LHFPL6: variants seen among roughly 807,000 people sequenced by gnomAD.
LHFPL6 encodes the protein LHFPL tetraspan subfamily member 6 protein.
Under a neutral mutation model 20.6 loss-of-function variants are expected in LHFPL6, and 9 were observed. The observed-to-expected ratio is 0.44, with a 90% confidence interval of 0.26 to 0.76. LHFPL6 has a LOEUF of 0.76. LHFPL6 is among the 30% of genes least tolerant of loss of function. LHFPL6 has a pLI of 0.20. For missense variants in LHFPL6, 218 were observed against 253.5 expected (o/e 0.86, Z 0.95); for synonymous variants, 105 against 98.7 (o/e 1.06, Z -0.38).
chr13:39,472,208 C>T (rs1428227396), intron 2 of LHFPL6, among the ~76,000 whole-genome samples: 2 of 152,150 alleles, frequency 1.3e-5, no homozygotes, highest in African/African-American at 2.4e-5. Context: ...CAAATATATA[C>T]TACCCGGCCA....
chr13:39,446,348 T>C (rs901126579), intron 2 of LHFPL6, among the ~76,000 whole-genome samples: 1 of 152,210 alleles, frequency 6.6e-6, no homozygotes, highest in Admixed American at 6.5e-5. Flanking sequence ...TGAAAGGTGC[T>C]ATGAAATAAG....
intron 2 of LHFPL6, among the ~76,000 whole-genome samples, chr13:39,382,016 T>C (rs9603529): frequency 0.098 from 14,958 of 152,142 alleles, 775 homozygotes; most frequent in Middle Eastern, 0.13. Context: ...AGCATACTCC[T>C]AAATTAGGTT....
At chr13:39,352,960 T>TACAC (rs1306962467) in intron 3 of LHFPL6, among the ~76,000 whole-genome samples, 7 of 86,826 alleles carry the variant, frequency 8.1e-5, no homozygotes, top group African/African-American at 1.1e-4. Flanking sequence ...TATACATACA[T>TACAC]ACACACACAC....
intron 3 of LHFPL6, among the ~76,000 whole-genome samples, chr13:39,359,174 C>CT (rs1869811522): frequency 6.6e-6 from 1 of 152,030 alleles, no homozygotes; most frequent in Admixed American, 6.6e-5. Flanking sequence ...AACAAAACAC[C>CT]TAAAAACATA....
intron 2 of LHFPL6, among the ~76,000 whole-genome samples, chr13:39,553,567 T>A (rs1016823046): frequency 5.9e-5 from 9 of 152,076 alleles, no homozygotes; most frequent in Non-Finnish European, 8.8e-5. Flanking sequence ...ATATTTTTTT[T>A]AATTAGCCAG....
chr13:39,563,770 G>A (rs1871621938), intron 2 of LHFPL6, among the ~76,000 whole-genome samples: 1 of 152,044 alleles, frequency 6.6e-6, no homozygotes, highest in Non-Finnish European at 1.5e-5. Flanking sequence ...TCCTGCCAGG[G>A]TAACAGATTC....
At chr13:39,537,287 CA>C (rs1011200164) in intron 2 of LHFPL6, among the ~76,000 whole-genome samples, 1 of 152,238 alleles carries the variant, frequency 6.6e-6, no homozygotes, top group African/African-American at 2.4e-5. Context: ...GATGATGCAT[CA>C]AAACCTAGAC....
At chr13:39,500,818 A>C (rs1180401456) in intron 2 of LHFPL6, among the ~76,000 whole-genome samples, 1 of 152,232 alleles carries the variant, frequency 6.6e-6, no homozygotes, top group African/African-American at 2.4e-5. Flanking sequence ...CCAGTATTTC[A>C]CATAGTATTA....
chr13:39,470,393 T>C (rs965665107), intron 2 of LHFPL6, among the ~76,000 whole-genome samples: 2 of 152,128 alleles, frequency 1.3e-5, no homozygotes, highest in African/African-American at 4.8e-5. Context: ...CATTATCAAC[T>C]TTCTAATCAT....
intron 3 of LHFPL6, among the ~76,000 whole-genome samples, chr13:39,347,367 C>A (rs964694953): frequency 6.6e-6 from 1 of 152,080 alleles, no homozygotes; most frequent in African/African-American, 2.4e-5. Context: ...GAATGAAAGG[C>A]AAGGTAAAAG....
intron 2 of LHFPL6, among the ~76,000 whole-genome samples, chr13:39,514,822 G>T (rs182914446): frequency 6.6e-6 from 1 of 152,184 alleles, no homozygotes; most frequent in Non-Finnish European, 1.5e-5. Context: ...CATGATTGAC[G>T]TAGAAACTTT....
intron 2 of LHFPL6, among the ~76,000 whole-genome samples, chr13:39,405,307 A>G (rs1035655351): frequency 1.3e-5 from 2 of 152,248 alleles, no homozygotes; most frequent in Admixed American, 6.5e-5. Flanking sequence ...AAACATTTGC[A>G]TAAGTCAGCA....
At chr13:39,559,717 T>C (rs1454586594) in intron 2 of LHFPL6, among the ~76,000 whole-genome samples, 3 of 151,874 alleles carry the variant, frequency 2.0e-5, no homozygotes, top group Admixed American at 6.6e-5. Flanking sequence ...ATGTGAGGAG[T>C]GCCAGGCTGC....
chr13:39,447,192 T>C (rs568446498), intron 2 of LHFPL6, among the ~76,000 whole-genome samples: 1 of 152,330 alleles, frequency 6.6e-6, no homozygotes, highest in East Asian at 1.9e-4. Context: ...AACCCAATCA[T>C]CACGCTTATG....
chr13:39,389,509 G>A lies in LHFPL6; in HGVS notation c.386-10983C>T, dbSNP rs1471711132. ...AAGCTTTGGAACCAGAGAGTGATTG[G>A]TCTGGAGCCAGGCTCTGCACTGGTG... On this transcript the variant is annotated intron_variant, in intron 2 of 3. Transcript: ENST00000379589. Among the ~76,000 whole-genome samples, 3 of 152,160 alleles carry A rather than the reference G, an allele frequency of 2.0e-5. No individual in the cohort carries two copies. The East Asian group carries it at 5.8e-4, about 29-fold the overall frequency.
Position 39,342,954 on chromosome 13 carries a change from A to G in LHFPL6, c.*982T>C, listed in dbSNP as rs41286953. ...AAATACAAACAAAATAGCACTTTTA[A>G]ATTTTTTACAAAATGAATATAGAAA... On this transcript the variant is annotated 3_prime_UTR_variant, in exon 4 of 4. Transcript: ENST00000379589. The G allele has an allele frequency of 0.012, 2,267 of 183,886 alleles. 15 individuals carry two copies. Among genetic ancestry groups the G allele is most frequent in the Non-Finnish European group, 0.018 (1,586 of 86,210 alleles). The allele number at this position is 183,886 out of a possible 1,614,324, so 11.4% of individuals were successfully genotyped here. A position where few individuals can be genotyped will look rare whatever the true frequency, so the allele number is the denominator to read the frequency against.
chr13:39,449,593 C>T (rs989139169), intron 2 of LHFPL6, among the ~76,000 whole-genome samples: 9 of 152,046 alleles, frequency 5.9e-5, no homozygotes, highest in African/African-American at 9.7e-5. Context: ...CCTAAATTGA[C>T]GAAACAGACT....
Position 39,562,609 on chromosome 13 carries a change from T to TATACATATATACAC in LHFPL6, c.385+38222_385+38223insGTGTATATATGTAT, listed in dbSNP as rs1566142236. On this transcript the variant is annotated intron_variant, in intron 2 of 3. Coordinates refer to ENST00000379589, the MANE Select transcript of LHFPL6 (RefSeq NM_005780.3). ...ATATATACATATATACACATATACATATATACACATATATACACACATATA... is the reference window on the plus strand; with the variant it reads ...ATATATACATATATACACATATACATATACATATATACACATATACACATATATACACACATATA... 5.3e-3 allele frequency among the ~76,000 whole-genome samples: 187 copies of TATACATATATACAC among 34,982 alleles called. 1 individual carries two copies. The highest frequency in any genetic ancestry group is 0.015 in the African/African-American group (179 of 12,294). The allele number at this position is 34,982 out of a possible 152,430, so 22.9% of individuals were successfully genotyped here.
chr13:39,601,026 A>G lies in LHFPL6; in HGVS notation c.191T>C (p.Met64Thr). The G allele has an allele frequency of 6.2e-7, 1 of 1,614,200 alleles. No individual in the cohort carries two copies. The highest frequency in any genetic ancestry group is 8.5e-7 in the Non-Finnish European group (1 of 1,180,032). The part of the protein sequence containing the change: ...VHDESRQMMV[M>T]VEECGRYASF... Reference sequence around the variant, plus strand: ...GGCATAGCGCCCACATTCCTCCACCATCACCATCATCTGCCGACTCTCATC... The same window carrying G: ...GGCATAGCGCCCACATTCCTCCACCGTCACCATCATCTGCCGACTCTCATC... The change falls in exon 2 of 4, where the codon ATG becomes ACG. Residue 64 changes from methionine to threonine, a missense_variant. Transcript: ENST00000379589.
Sources: gnomAD v4.1 joint callset for allele counts (sites outside exome capture counted in the v4.1 genomes callset) on GRCh38, gnomAD v4.1.1 for gene constraint, MANE v1.5 for transcripts, NCBI Gene and HGNC (gene_info 2026-07-23, HGNC 2026-07-21) for gene names.